The following MACF1 variants were observed in gnomAD, a reference collection of about 807,000 sequenced individuals.
The protein encoded by MACF1 is microtubule actin crosslinking factor 1, also known as microtubule-actin cross-linking factor 1.
A neutral mutation model predicts 854.8 loss-of-function variants in MACF1; 193 were observed. The observed-to-expected ratio is 0.23, with a 90% CI of 0.20 to 0.25. The LOEUF (loss-of-function observed/expected upper bound fraction) is 0.25. Among genes scored for constraint, MACF1 ranks in the 10% least tolerant of loss-of-function variants. MACF1 has a pLI of 1.00. For missense variants in MACF1, 7,722 were observed against 8,929.1 expected, an observed-to-expected ratio of 0.86 and a Z score of 5.45; for synonymous variants, 3,185 against 3,226.7, an observed-to-expected ratio of 0.99 and a Z score of 0.44.
chr1:39,270,805 A>G (rs563156072), intron 6 of MACF1, among the ~76,000 whole-genome samples: 2 of 152,312 alleles, frequency 1.3e-5, no homozygotes, highest in Admixed American at 6.5e-5. Flanking sequence ...TGGTCTACCT[A>G]CTGGTGCCCT....
chr1:39,436,150 A>T (rs1046593366), intron 70 of MACF1: 3 of 417,838 alleles, frequency 7.2e-6, no homozygotes, highest in Non-Finnish European at 1.3e-5. Flanking sequence ...TTTCTTAAGC[A>T]ACCAGCTAAC....
chr1:39,413,848 C>G, intron 58 of MACF1: 2 of 1,610,378 alleles, frequency 1.2e-6, no homozygotes, highest in Non-Finnish European at 1.7e-6. Context: ...CCTGGAGGAA[C>G]CCACTTCCCC....
chr1:39,152,474 A>G (rs976244312), intron 2 of MACF1, among the ~76,000 whole-genome samples: 1 of 152,236 alleles, frequency 6.6e-6, no homozygotes, highest in African/African-American at 2.4e-5. Context: ...CAGAAAATGT[A>G]TAGCAGATAC....
chr1:39,412,951 G>A (rs760167168), intron 58 of MACF1: 1 of 1,597,762 alleles, frequency 6.3e-7, no homozygotes. Flanking sequence ...GGAGGAGGAT[G>A]TCACAGCTGC....
rs570937800 is a variant in MACF1 at position 39,335,712 on chromosome 1, G to A, written c.9124G>A (p.Glu3042Lys). ...EMGFSITFKIEESSSQVVPQG... is the reference protein window; with the variant it reads ...EMGFSITFKIKESSSQVVPQG... ...GGGATTTTCTATTACTTTTAAAATT[G>A]AAGAGTCCTCTTCCCAAGTGGTACC... Residue 3042 changes from glutamate (E) to lysine (K), a missense_variant, in exon 37 of 101, where the codon GAA (glutamate) becomes AAA (lysine). Physicochemically the swap from Glu to Lys is moderately conservative, Grantham distance 56. Transcript: ENST00000564288. 5 of 1,613,368 alleles carry A rather than the reference G, an allele frequency of 3.1e-6. No homozygotes were observed. In the African/African-American group the frequency reaches 6.7e-5, roughly 22 times the overall value.
chr1:39,094,589 A>T (rs996145283), intron 2 of MACF1, among the ~76,000 whole-genome samples: 7 of 151,530 alleles, frequency 4.6e-5, no homozygotes, highest in Non-Finnish European at 1.5e-5. Flanking sequence ...GTGGTGGTGC[A>T]TGCCTGTAAT....
intron 2 of MACF1, among the ~76,000 whole-genome samples, chr1:39,138,519 A>G (rs1158670000): frequency 6.7e-6 from 1 of 149,376 alleles, no homozygotes; most frequent in Non-Finnish European, 1.5e-5. Flanking sequence ...TGGGAGGCGG[A>G]GCTTGCAGTG....
chr1:39,316,583 G>C (rs1303665958), intron 28 of MACF1, 54 bp downstream of exon 28: 1 of 1,545,182 alleles, frequency 6.5e-7, no homozygotes, highest in African/African-American at 1.4e-5. Context: ...ATTGCTTTGG[G>C]TTAGCAGAGA....
At chr1:39,304,638 A>C in intron 23 of MACF1, 1 of 519,614 alleles carries the variant, frequency 1.9e-6, no homozygotes, top group Non-Finnish European at 3.5e-6. Context: ...ATTTCAGCTC[A>C]CTGCAAGCTC....
chr1:39,481,036 G>A lies in MACF1; in HGVS notation c.22281+6G>A, dbSNP rs1645002799. On this transcript the variant is annotated splice_donor_region_variant and intron_variant, in intron 99 of 100. Coordinates refer to ENST00000564288, the MANE Select transcript of MACF1 (RefSeq NM_001394062.1). ...TCCAGCTGCCCACCCCCGAGGTAGA[G>A]TATGGCTTTGCTGACTGAGGACACA... 2 of 1,534,678 alleles carry A rather than the reference G, an allele frequency of 1.3e-6. No individual in the cohort carries two copies. The highest frequency in any genetic ancestry group is 2.4e-5 in the East Asian group (1 of 40,824).
chr1:39,154,996 C>T lies in MACF1; in HGVS notation c.220+70558C>T, dbSNP rs386498508. On this transcript the variant is annotated intron_variant, in intron 2 of 93. Transcript: ENST00000361689. ...TGGAACTTAGGGCAGAATCTCTTAC[C>T]ACCTGAGGTTACATCTCACTATTTG... Among the ~76,000 whole-genome samples, 275 of 152,270 alleles carry T rather than the reference C, an allele frequency of 1.8e-3. 1 individual carries two copies. Among genetic ancestry groups the T allele is most frequent in the Non-Finnish European group, 3.2e-3 (217 of 68,014 alleles).
At chr1:39,202,695 C>G (rs1644407352), upstream of MACF1, among the ~76,000 whole-genome samples, 1 of 151,804 alleles carries the variant, frequency 6.6e-6, no homozygotes, top group Non-Finnish European at 1.5e-5. Context: ...TCTTCGTCTC[C>G]TTTAGTATTC....
At chr1:39,195,685 G>A (rs890850208) in intron 2 of MACF1, among the ~76,000 whole-genome samples, 1 of 152,214 alleles carries the variant, frequency 6.6e-6, no homozygotes, top group African/African-American at 2.4e-5. Flanking sequence ...AGATGGGAAG[G>A]AAAAACGTGC....
chr1:39,452,381 G>C (rs776800094), intron 86 of MACF1, 31 bp downstream of exon 86: 1 of 1,592,776 alleles, frequency 6.3e-7, no homozygotes, highest in South Asian at 1.1e-5. Context: ...CAACCCAAGG[G>C]ATAGATCTGA....
rs777307103 is a variant in MACF1, at chr1:39,458,456, C to T, written c.21162C>T (p.His7054=). 87 of 1,613,884 alleles carry T rather than the reference C, an allele frequency of 5.4e-5. No homozygotes were observed. Among genetic ancestry groups the T allele is most frequent in the Admixed American group, 1.7e-5 (1 of 59,998 alleles). ...TYKRKNIEPT[H]APFIEKSRSG... is the part of the protein sequence containing the mutation. ...AAAGGAAAAACATAGAGCCTACTCA[C>T]GCGCCTTTCATAGAGAAATCCCGCA... Residue 7054 remains histidine (H), a synonymous_variant, in exon 90 of 101, where the codon CAC becomes CAT. Coordinates refer to ENST00000564288, the MANE Select transcript of MACF1 (RefSeq NM_001394062.1).
chr1:39,410,253 T>C, intron 58 of MACF1: 2 of 1,549,386 alleles, frequency 1.3e-6, no homozygotes, highest in Non-Finnish European at 1.7e-6. Flanking sequence ...TGGTTCATCT[T>C]GATTGAAAAA....
intron 60 of MACF1, 51 bp from the exon 61 acceptor site, chr1:39,423,977 T>C (rs1210735783): frequency 6.8e-7 from 1 of 1,468,174 alleles, no homozygotes; most frequent in East Asian, 2.3e-5. Flanking sequence ...TCTTCCTAGT[T>C]CAGATTTCAA....
intron 2 of MACF1, among the ~76,000 whole-genome samples, chr1:39,243,995 T>C (rs1410636803): frequency 6.6e-6 from 1 of 152,136 alleles, no homozygotes; most frequent in Non-Finnish European, 1.5e-5. Context: ...CAGACTGCTG[T>C]TTTCTTTATT....
At chr1:39,463,217 T>C (rs1644590246) in intron 93 of MACF1, among the ~76,000 whole-genome samples, 1 of 152,212 alleles carries the variant, frequency 6.6e-6, no homozygotes, top group Non-Finnish European at 1.5e-5. Context: ...CTGTGCGTGG[T>C]GGCTCACGCC....
Sources: gnomAD v4.1 joint callset for allele counts (sites outside exome capture counted in the v4.1 genomes callset) on GRCh38, gnomAD v4.1.1 for gene constraint, MANE v1.5 for transcripts, NCBI Gene and HGNC (gene_info 2026-07-23, HGNC 2026-07-21) for gene names.